The following STAU2 variants were observed in gnomAD, a reference collection of about 807,000 sequenced individuals.
STAU2 encodes double-stranded RNA-binding protein Staufen homolog 2.
A neutral mutation model predicts 65.9 loss-of-function variants in STAU2; 20 were observed. The observed-to-expected ratio is 0.30, with a 90% CI of 0.21 to 0.44. The LOEUF (loss-of-function observed/expected upper bound fraction) is 0.44. Among genes scored for constraint, STAU2 ranks in the 20% least tolerant of loss-of-function variants. The pLI, the probability that STAU2 is intolerant of heterozygous loss-of-function variation, is 1.00. For missense variants in STAU2, 558 were observed against 683.9 expected (o/e 0.82, Z 2.05); for synonymous variants, 232 against 233.9 (o/e 0.99, Z 0.07).
intron 3 of STAU2, among the ~76,000 whole-genome samples, chr8:73,717,139 T>C (rs1424243081): frequency 5.3e-5 from 8 of 151,990 alleles, no homozygotes; most frequent in Non-Finnish European, 7.4e-5. Context: ...AAAGATGAAT[T>C]GCTAACAAAG....
intron 1 of STAU2, among the ~76,000 whole-genome samples, chr8:73,740,440 C>A (rs1433262089): frequency 3.9e-5 from 6 of 152,058 alleles, no homozygotes; most frequent in Admixed American, 3.9e-4. Flanking sequence ...ATTAGAACTT[C>A]AAAGTGGCAA....
At chr8:73,651,428 CA>C in intron 6 of STAU2, 2 of 666,540 alleles carry the variant, frequency 3.0e-6, no homozygotes. Flanking sequence ...AACCTGGTTT[CA>C]AAATCGCCGC....
At chr8:73,613,586 T>C (rs1301675639) in intron 9 of STAU2, among the ~76,000 whole-genome samples, 158 bp downstream of exon 9, 2 of 152,168 alleles carry the variant, frequency 1.3e-5, no homozygotes, top group East Asian at 3.8e-4. Context: ...AAAAGCAAAA[T>C]AGAATTGTCA....
intron 13 of STAU2, among the ~76,000 whole-genome samples, chr8:73,474,890 G>T (rs2128907624): frequency 6.6e-6 from 1 of 152,196 alleles, no homozygotes. Context: ...ATCTAGAAAG[G>T]TTACATAAAT....
At chr8:73,579,185 A>T (rs1809807189) in intron 12 of STAU2, among the ~76,000 whole-genome samples, 1 of 152,218 alleles carries the variant, frequency 6.6e-6, no homozygotes, top group South Asian at 2.1e-4. Flanking sequence ...GATCCTAAAG[A>T]GGTCAATAAG....
rs549466143 is a variant in STAU2, at chr8:73,435,995, C to T, written c.1531-13293G>A. ...AAGGTCTGTTTGAGATTTCTTGGTCCTTTGATATTCGACTCCAACAAAAAT... is the reference window on the plus strand; with the variant it reads ...AAGGTCTGTTTGAGATTTCTTGGTCTTTTGATATTCGACTCCAACAAAAAT... On this transcript the variant is annotated intron_variant, in intron 13 of 14. Transcript: ENST00000524300. Among the ~76,000 whole-genome samples the T allele has an allele frequency of 1.2e-3, 176 of 152,032 alleles. 3 individuals are homozygous for T. Among genetic ancestry groups the T allele is most frequent in the African/African-American group, 3.8e-3 (156 of 41,280 alleles).
intron 5 of STAU2, among the ~76,000 whole-genome samples, chr8:73,678,779 GT>G (rs372451667): frequency 2.0e-5 from 3 of 151,996 alleles, no homozygotes; most frequent in Non-Finnish European, 2.9e-5. Flanking sequence ...AAGAGAATAA[GT>G]TTTTTTTCTA....
intron 13 of STAU2, among the ~76,000 whole-genome samples, chr8:73,482,996 A>C (rs1337374984): frequency 6.6e-6 from 1 of 152,056 alleles, no homozygotes; most frequent in Non-Finnish European, 1.5e-5. Context: ...ACCAAAAATA[A>C]TATTTAATAT....
At chr8:73,430,354 C>G (rs986731722) in intron 13 of STAU2, among the ~76,000 whole-genome samples, 1 of 152,156 alleles carries the variant, frequency 6.6e-6, no homozygotes, top group Non-Finnish European at 1.5e-5. Flanking sequence ...CAGGGCCTGC[C>G]GACCAGGTAC....
At chr8:73,708,731 T>G (rs1820689664) in intron 4 of STAU2, among the ~76,000 whole-genome samples, 1 of 152,176 alleles carries the variant, frequency 6.6e-6, no homozygotes, top group South Asian at 2.1e-4. Context: ...TATGAACTAT[T>G]AAGCAAGTCA....
At position 73,685,959 on chromosome 8, in the gene STAU2, G is replaced by C. The variant is rs550748039; in HGVS notation, c.274+2695C>G. 2.0e-4 allele frequency among the ~76,000 whole-genome samples: 31 copies of C among 152,222 alleles called. No individual in the cohort carries two copies. The East Asian group carries it at 5.8e-3, about 28-fold the overall frequency. The stretch of plus-strand genomic sequence containing the variant: ...AAATGTGGTGTACATATATACCATA[G>C]AATACTACTCAGCCATAAAAAGGAA... On this transcript the variant is annotated intron_variant, in intron 5 of 14. Transcript: ENST00000524300.
intron 13 of STAU2, among the ~76,000 whole-genome samples, chr8:73,447,401 TA>T (rs1377885809): frequency 2.6e-5 from 4 of 152,246 alleles, no homozygotes; most frequent in Non-Finnish European, 5.9e-5. Context: ...TCATTCTTTT[TA>T]ATAGCTGCAT....
At chr8:73,637,644 A>G (rs986839172) in intron 6 of STAU2, among the ~76,000 whole-genome samples, 10 of 152,058 alleles carry the variant, frequency 6.6e-5, no homozygotes, top group African/African-American at 2.4e-4. Flanking sequence ...CACTACAGGA[A>G]ATACTAAAGG....
At chr8:73,585,923 G>A (rs1810335383) in intron 11 of STAU2, among the ~76,000 whole-genome samples, 1 of 152,104 alleles carries the variant, frequency 6.6e-6, no homozygotes, top group South Asian at 2.1e-4. Flanking sequence ...GCTTTATAAG[G>A]GGTTTCCCCT....
At chr8:73,712,177 T>C (rs528567199) in intron 3 of STAU2, among the ~76,000 whole-genome samples, 2 of 152,314 alleles carry the variant, frequency 1.3e-5, no homozygotes, top group South Asian at 2.1e-4. Context: ...CAAAGACCTA[T>C]AGATGTTATC....
At chr8:73,618,748 T>A (rs957863699) in intron 6 of STAU2, among the ~76,000 whole-genome samples, 1 of 152,178 alleles carries the variant, frequency 6.6e-6, no homozygotes, top group African/African-American at 2.4e-5. Context: ...AGGGGAAAGG[T>A]GACAGTGGCC....
At chr8:73,462,724 T>TAAACAAAAAAC (rs1819434759) in intron 13 of STAU2, among the ~76,000 whole-genome samples, 3 of 152,114 alleles carry the variant, frequency 2.0e-5, no homozygotes, top group Non-Finnish European at 4.4e-5. Context: ...CTAAAAAATA[T>TAAACAAAAAAC]GTAAAAGATT....
At chr8:73,650,744 C>T (rs1195525331) in intron 6 of STAU2, among the ~76,000 whole-genome samples, 2 of 152,158 alleles carry the variant, frequency 1.3e-5, no homozygotes, top group Non-Finnish European at 2.9e-5. Flanking sequence ...AAATACTGTG[C>T]AATCCTATTT....
intron 13 of STAU2, among the ~76,000 whole-genome samples, chr8:73,507,114 T>TCTCAACAG (rs1822113741): frequency 2.6e-5 from 4 of 152,174 alleles, no homozygotes; most frequent in Admixed American, 6.5e-5. Flanking sequence ...CCTGCTAATG[T>TCTCAACAG]TGATAATGTT....
Sources: allele counts gnomAD v4.1 joint callset (sites outside exome capture counted in the v4.1 genomes callset), GRCh38; gene constraint gnomAD v4.1.1; transcripts MANE v1.5; gene names NCBI Gene and HGNC (gene_info 2026-07-23, HGNC 2026-07-21).